SPATA13: variants seen among roughly 807,000 people sequenced by gnomAD.
SPATA13 encodes the protein spermatogenesis-associated protein 13.
A neutral mutation model predicts 104.0 loss-of-function variants in SPATA13; 50 were observed. The observed-to-expected ratio is 0.48, with a 90% CI of 0.38 to 0.61. The LOEUF is 0.61. Among genes scored for constraint, SPATA13 ranks in the 20% least tolerant of loss-of-function variants. SPATA13 has a pLI of 0.00. For synonymous variants in SPATA13, 606 were observed against 667.5 expected (o/e 0.91, Z 1.42); for missense variants, 1,524 against 1,690.6 (o/e 0.90, Z 1.73).
intron 2 of SPATA13, among the ~76,000 whole-genome samples, chr13:24,010,617 G>T (rs1284555842): frequency 6.6e-6 from 1 of 152,060 alleles, no homozygotes; most frequent in Non-Finnish European, 1.5e-5. Context: ...GTGCCTGGAA[G>T]CTCCTCCACC....
chr13:24,053,660 G>C (rs1878442907), intron 3 of SPATA13, among the ~76,000 whole-genome samples: 1 of 151,998 alleles, frequency 6.6e-6, no homozygotes, highest in Non-Finnish European at 1.5e-5. Flanking sequence ...TAAGACACCT[G>C]GGGCTCCATC....
intron 2 of SPATA13, among the ~76,000 whole-genome samples, chr13:24,232,317 C>T (rs1338333356): frequency 6.6e-6 from 1 of 152,164 alleles, no homozygotes. Context: ...CTATTTGACA[C>T]CTCAAGGGAT....
intron 3 of SPATA13, among the ~76,000 whole-genome samples, chr13:24,058,634 A>G (rs1030655033): frequency 6.6e-6 from 1 of 151,950 alleles, no homozygotes; most frequent in Non-Finnish European, 1.5e-5. Context: ...AACGGTCTAC[A>G]TAATTATGAA....
chr13:24,090,482 G>A (rs1047108043), intron 3 of SPATA13, among the ~76,000 whole-genome samples: 1 of 152,086 alleles, frequency 6.6e-6, no homozygotes, highest in African/African-American at 2.4e-5. Flanking sequence ...TCCCCTCACC[G>A]AACGGTGTCC....
At chr13:24,158,098 T>C (rs542995998), upstream of SPATA13, among the ~76,000 whole-genome samples, 37 of 152,350 alleles carry the variant, frequency 2.4e-4, no homozygotes, top group Non-Finnish European at 4.6e-4. Context: ...GAGGTGGTAG[T>C]TTCTATCCTT....
intron 3 of SPATA13, among the ~76,000 whole-genome samples, chr13:24,062,979 T>C (rs571535305): frequency 5.0e-4 from 76 of 152,254 alleles, no homozygotes; most frequent in Non-Finnish European, 9.1e-4. Flanking sequence ...CCCTGGGGGT[T>C]TGTGGGGGAG....
At chr13:24,003,952 A>G (rs1256713192) in intron 2 of SPATA13, among the ~76,000 whole-genome samples, 2 of 152,140 alleles carry the variant, frequency 1.3e-5, no homozygotes, top group African/African-American at 2.4e-5. Flanking sequence ...CTCCTGCAGC[A>G]TTGTTTTGTA....
chr13:24,065,543 G>A (rs1393407552), intron 3 of SPATA13, among the ~76,000 whole-genome samples: 10 of 151,978 alleles, frequency 6.6e-5, no homozygotes, highest in Non-Finnish European at 1.2e-4. Context: ...TCAAGACAGC[G>A]TGGCATATAT....
At chr13:24,010,927 G>T (rs1447180650) in intron 2 of SPATA13, among the ~76,000 whole-genome samples, 3 of 151,158 alleles carry the variant, frequency 2.0e-5, no homozygotes, top group African/African-American at 7.3e-5. Context: ...TAAATGCTTT[G>T]CCCCACTGGT....
In SPATA13 at chr13:24,286,188, G is replaced by A. The variant is rs753826813; in HGVS notation, c.2302-26G>A. 4 of 1,591,778 alleles carry A rather than the reference G, an allele frequency of 2.5e-6. No homozygotes were observed. In the South Asian group the frequency reaches 4.6e-5, roughly 18 times the overall value. ...ATCCCGCCCACTCGTGCTCTATGCTGAGCGCACCCCACTGTCTCCTTTCAG... is the reference window on the plus strand; with the variant it reads ...ATCCCGCCCACTCGTGCTCTATGCTAAGCGCACCCCACTGTCTCCTTTCAG... On this transcript the variant is annotated intron_variant, in intron 5 of 12. Coordinates refer to ENST00000382108, the MANE Select transcript of SPATA13 (RefSeq NM_001166271.3). The surrounding 1 kb of genome is among the most constrained non-coding windows in gnomAD (Gnocchi z 4.9).
rs1401018060 is a variant in SPATA13 at position 24,305,850 on chromosome 13, A to G, written c.*3077A>G. On this transcript the variant is annotated 3_prime_UTR_variant, in exon 13 of 13. Transcript: ENST00000382108. ...AATTGTGATCATACCTAAAACATAT[A>G]AAAACCCTGCCGTAGATTAAAAGCA... 6.6e-6 allele frequency: 1 copy of G among 152,212 alleles called. No individual in the cohort carries two copies. Among genetic ancestry groups the G allele is most frequent in the Non-Finnish European group, 1.5e-5 (1 of 68,040 alleles). The allele number at this position is 152,212 out of a possible 1,614,324, so 9.4% of individuals were successfully genotyped here. A position where few individuals can be genotyped will look rare whatever the true frequency, so the allele number is the denominator to read the frequency against.
intron 1 of SPATA13, among the ~76,000 whole-genome samples, chr13:24,182,788 G>C (rs980844653): frequency 4.5e-4 from 69 of 152,178 alleles, no homozygotes; most frequent in African/African-American, 1.6e-3. Context: ...GTTCTGCTGG[G>C]GTTAAATATA....
chr13:24,064,077 C>G (rs1334874947), intron 3 of SPATA13, among the ~76,000 whole-genome samples: 2 of 152,180 alleles, frequency 1.3e-5, no homozygotes, highest in Non-Finnish European at 2.9e-5. Flanking sequence ...ACCATGCCTG[C>G]CTACCCTTCC....
chr13:24,128,601 GCCCC>G (rs1196033206), intron 3 of SPATA13, among the ~76,000 whole-genome samples: 2 of 151,994 alleles, frequency 1.3e-5, no homozygotes, highest in East Asian at 3.9e-4. Context: ...GCCACGCCGG[GCCCC>G]AGAAATCTGC....
intron 2 of SPATA13, among the ~76,000 whole-genome samples, chr13:23,991,032 C>T (rs951608973): frequency 1.3e-5 from 2 of 152,226 alleles, no homozygotes; most frequent in South Asian, 2.1e-4. Context: ...AGATGAAGCC[C>T]GCTCAAGGTT....
chr13:24,230,653 G>A (rs752001792), intron 2 of SPATA13, among the ~76,000 whole-genome samples: 1 of 152,214 alleles, frequency 6.6e-6, no homozygotes. Context: ...CAGATTAGCT[G>A]AGGTGATGTG....
At chr13:24,244,254 C>G (rs1189330591) in intron 2 of SPATA13, among the ~76,000 whole-genome samples, 2 of 152,174 alleles carry the variant, frequency 1.3e-5, no homozygotes, top group African/African-American at 4.8e-5. Flanking sequence ...CCCAGGTTGA[C>G]CTCATTTTAA....
intron 1 of SPATA13, among the ~76,000 whole-genome samples, chr13:24,188,552 T>G (rs2138538029): frequency 6.6e-6 from 1 of 152,234 alleles, no homozygotes; most frequent in African/African-American, 2.4e-5. Context: ...TGAAGAAAGG[T>G]TTGAAGCTAG....
At chr13:24,191,228 G>A (rs969609166) in intron 1 of SPATA13, among the ~76,000 whole-genome samples, 3 of 151,826 alleles carry the variant, frequency 2.0e-5, no homozygotes, top group South Asian at 2.1e-4. Context: ...CTCCTGCCTC[G>A]GCCTCCCAAA....
Sources: allele counts gnomAD v4.1 joint callset (sites outside exome capture counted in the v4.1 genomes callset), GRCh38; gene constraint gnomAD v4.1.1; non-coding constraint Gnocchi (gnomAD v3.1); transcripts MANE v1.5; gene names NCBI Gene and HGNC (gene_info 2026-07-23, HGNC 2026-07-21).